The following PEX19 variants were observed in gnomAD, a reference collection of about 807,000 sequenced individuals.
The protein encoded by PEX19 is 33 kDa housekeeping protein.
A neutral mutation model predicts 36.3 loss-of-function variants in PEX19; 29 were observed. The observed-to-expected ratio is 0.80, with a 90% CI of 0.60 to 1.09. The LOEUF is 1.09. PEX19 is among the 50% of genes least tolerant of loss of function. The pLI, the probability that PEX19 is intolerant of heterozygous loss-of-function variation, is 0.00. For synonymous variants in PEX19, 141 were observed against 135.2 expected (o/e 1.04, Z -0.30); for missense variants, 396 against 368.1 (o/e 1.08, Z -0.62).
At position 160,283,875 on chromosome 1, in the gene PEX19, G is replaced by A. The variant is rs184921456; in HGVS notation, c.71-236C>T. ...AGAAATCCCTTAAGGTGGAACAAAT[G>A]TCCATCTCAGAGCTGGGAGGAGAGG... On this transcript the variant is annotated intron_variant, in intron 1 of 7. Transcript: ENST00000368072. 1.7e-4 allele frequency among the ~76,000 whole-genome samples: 26 copies of A among 152,280 alleles called. No homozygotes were observed. In the East Asian group the frequency reaches 4.8e-3, roughly 28 times the overall value.
In PEX19 at chr1:160,282,837, C is replaced by G; in HGVS notation, c.346+107G>C. The G allele has an allele frequency of 2.5e-6, 3 of 1,213,980 alleles. No homozygotes were observed. The Admixed American group carries it at 5.3e-5, about 21-fold the overall frequency. The allele number at this position is 1,213,980 out of a possible 1,614,324, so 75.2% of individuals were successfully genotyped here. On this transcript the variant is annotated intron_variant, in intron 3 of 7. Coordinates refer to ENST00000368072, the MANE Select transcript of PEX19 (RefSeq NM_002857.4). ...CTCATTGCCTTTACCCGTTCCTTGG[C>G]TGTGACATCATGATTGCTATCAACT...
rs1657628829 is a variant in PEX19, at chr1:160,278,473, A to T, written c.*1078T>A. The stretch of plus-strand genomic sequence containing the variant: ...GGAAGCTGAGGAAGATCAGAAAAAG[A>T]CCACACTCCTCACTCAGAATATTTA... On this transcript the variant is annotated 3_prime_UTR_variant, in exon 8 of 8. Coordinates refer to ENST00000368072, the MANE Select transcript of PEX19 (RefSeq NM_002857.4). 1 of 538,684 alleles carries T rather than the reference A, an allele frequency of 1.9e-6. No homozygotes were observed. Among genetic ancestry groups the T allele is most frequent in the Non-Finnish European group, 3.5e-6 (1 of 283,564 alleles). The allele number at this position is 538,684 out of a possible 1,614,324, so 33.4% of individuals were successfully genotyped here. A position where few individuals can be genotyped will look rare whatever the true frequency, so the allele number is the denominator to read the frequency against.
In PEX19 at chr1:160,277,320, G is replaced by C. The variant is rs1178461528; in HGVS notation, c.*2231C>G. 6.6e-6 allele frequency: 3 copies of C among 455,870 alleles called. No homozygotes were observed. Among genetic ancestry groups the C allele is most frequent in the African/African-American group, 2.0e-5 (1 of 50,034 alleles). 28.2% of individuals were successfully genotyped at this position (455,870 alleles called of 1,614,324 possible). A position where few individuals can be genotyped will look rare whatever the true frequency, so the allele number is the denominator to read the frequency against. ...ACATGATCAATGGACTTAACCTACAGAACAGTCTGGCCAGTTTGGGTGCTG... is the reference window on the plus strand; with the variant it reads ...ACATGATCAATGGACTTAACCTACACAACAGTCTGGCCAGTTTGGGTGCTG... On this transcript the variant is annotated 3_prime_UTR_variant, in exon 8 of 8. Transcript: ENST00000368072.
In PEX19 at chr1:160,279,343, G is replaced by A; in HGVS notation, c.*208C>T. ...AGTGGCAGAAACCACAATGGAGTAGGGTTCACAGAAATGGCCTGTGAAACA... is the reference window on the plus strand; with the variant it reads ...AGTGGCAGAAACCACAATGGAGTAGAGTTCACAGAAATGGCCTGTGAAACA... On this transcript the variant is annotated 3_prime_UTR_variant, in exon 8 of 8. Coordinates refer to ENST00000368072, the MANE Select transcript of PEX19 (RefSeq NM_002857.4). The A allele has an allele frequency of 1.4e-6, 1 of 691,180 alleles. No homozygotes were observed. Among genetic ancestry groups the A allele is most frequent in the Non-Finnish European group, 2.6e-6 (1 of 379,212 alleles). The allele number at this position is 691,180 out of a possible 1,614,324, so 42.8% of individuals were successfully genotyped here.
Position 160,280,219 on chromosome 1 carries a change from C to T in PEX19, c.622G>A (p.Glu208Lys), listed in dbSNP as rs1476023244. 1.2e-6 allele frequency: 2 copies of T among 1,613,888 alleles called. No individual in the cohort carries two copies. Among genetic ancestry groups the T allele is most frequent in the African/African-American group, 2.7e-5 (2 of 74,866 alleles). Reference protein sequence around the residue: ...KYPEWLQSHRESLPPEQFEKY... With the variant: ...KYPEWLQSHRKSLPPEQFEKY... ...TCAAACTGCTCTGGAGGTAGAGATTCCCGATGACTCTGCAACCATTCTGGA... is the reference window on the plus strand; with the variant it reads ...TCAAACTGCTCTGGAGGTAGAGATTTCCGATGACTCTGCAACCATTCTGGA... The change falls in exon 6 of 8, where the codon GAA becomes AAA. Residue 208 changes from glutamate to lysine, a missense_variant. Physicochemically the swap from Glu to Lys is moderately conservative, Grantham distance 56 (BLOSUM62 1). Transcript: ENST00000368072.
rs1417188930 is a variant in PEX19 at position 160,277,003 on chromosome 1, C to T, written c.*2548G>A. 1 of 454,008 alleles carries T rather than the reference C, an allele frequency of 2.2e-6. No homozygotes were observed. The highest frequency in any genetic ancestry group is 1.6e-5 in the South Asian group (1 of 64,480). The allele number at this position is 454,008 out of a possible 1,614,324, so 28.1% of individuals were successfully genotyped here. ...ATTTTTGAGCAGCAGAAAAGGAAGG[C>T]TAGAGAAATGCTAGAGATGTCCTTA... On this transcript the variant is annotated 3_prime_UTR_variant, in exon 8 of 8. Coordinates refer to ENST00000368072, the MANE Select transcript of PEX19 (RefSeq NM_002857.4).
At chr1:160,279,690 A>G in intron 7 of PEX19, 56 bp from the exon 8 acceptor site, 1 of 1,549,290 alleles carries the variant, frequency 6.5e-7, no homozygotes, top group African/African-American at 1.4e-5. Context: ...ACAGACGTGA[A>G]GATCCATCCC....
intron 1 of PEX19, 28 bp from the exon 2 acceptor site, chr1:160,283,667 T>G: frequency 5.9e-6 from 9 of 1,538,372 alleles, no homozygotes; most frequent in Non-Finnish European, 8.1e-6. Context: ...ATGGTGTGTG[T>G]GTTGGCGACA....
chr1:160,282,779 C>A, intron 3 of PEX19, 165 bp downstream of exon 3: 1 of 775,572 alleles, frequency 1.3e-6, no homozygotes, highest in Non-Finnish European at 2.2e-6. Flanking sequence ...CCTATCTCAC[C>A]CCTTTTCATT....
intron 5 of PEX19, among the ~76,000 whole-genome samples, chr1:160,280,768 C>T (rs1181318678): frequency 1.3e-5 from 2 of 152,094 alleles, no homozygotes; most frequent in East Asian, 1.9e-4. Context: ...ATCTGTCCAC[C>T]GTGGCCTCCC....
chr1:160,282,864 CA>C (rs1657834122), intron 3 of PEX19, 79 bp downstream of exon 3: 1 of 1,457,986 alleles, frequency 6.9e-7, no homozygotes. Flanking sequence ...CTATCAACTT[CA>C]CTAAGAATTC....
rs369984634 is a variant in PEX19 at position 160,285,102 on chromosome 1, C to T, written c.23G>A (p.Cys8Tyr). The T allele has an allele frequency of 2.6e-5, 42 of 1,613,862 alleles. No individual in the cohort carries two copies. In the African/African-American group the frequency reaches 5.2e-4, roughly 20 times the overall value. Reference protein sequence around the residue: MAAAEEGCSVGAEADREL... With the variant: MAAAEEGYSVGAEADREL... ...CCTGTCCGCTTCGGCCCCGACACTA[C>T]AGCCTTCCTCAGCGGCGGCCATCTT... The change falls in exon 1 of 8, where the codon TGT (cysteine) becomes TAT (tyrosine). Residue 8 changes from cysteine (C) to tyrosine (Y), a missense_variant. Cys to Tyr is a radical substitution (Grantham distance 194, BLOSUM62 -2). Transcript: ENST00000368072.
At chr1:160,284,932 T>C in intron 1 of PEX19, 123 bp downstream of exon 1, 2 of 821,758 alleles carry the variant, frequency 2.4e-6, no homozygotes, top group Admixed American at 1.9e-5. Flanking sequence ...GGTCAGACTC[T>C]CCGCCCCCAT....
In PEX19 at chr1:160,279,065, C is replaced by A. The variant is rs1413950266; in HGVS notation, c.*486G>T. 4.4e-6 allele frequency: 2 copies of A among 454,478 alleles called. No individual in the cohort carries two copies. Among genetic ancestry groups the A allele is most frequent in the Non-Finnish European group, 8.8e-6 (2 of 227,020 alleles). 28.2% of individuals were successfully genotyped at this position (454,478 alleles called of 1,614,324 possible). A position where few individuals can be genotyped will look rare whatever the true frequency, so the allele number is the denominator to read the frequency against. ...GAAGGCAAGAGAGCATAGTGACAGA[C>A]CTGTAGCCCCAGCCCAGGCTGTTTC... On this transcript the variant is annotated 3_prime_UTR_variant, in exon 8 of 8. Coordinates refer to ENST00000368072, the MANE Select transcript of PEX19 (RefSeq NM_002857.4).
At chr1:160,282,555 G>C in intron 3 of PEX19, 53 bp from the exon 4 acceptor site, 1 of 1,351,284 alleles carries the variant, frequency 7.4e-7, no homozygotes, top group East Asian at 2.3e-5. Flanking sequence ...TCCTTGCCTA[G>C]ACTGAACTGG....
intron 5 of PEX19, 135 bp from the exon 6 acceptor site, chr1:160,280,381 G>A: frequency 2.4e-6 from 2 of 824,064 alleles, no homozygotes; most frequent in Non-Finnish European, 2.0e-6. Flanking sequence ...AGTTCATCAT[G>A]AAAAGCGGCA....
rs564013133 is a variant in PEX19 at position 160,280,115 on chromosome 1, G to A, written c.726C>T (p.Thr242=). 80 of 1,613,824 alleles carry A rather than the reference G, an allele frequency of 5.0e-5. 1 individual carries two copies. The South Asian group carries it at 8.6e-4, about 17-fold the overall frequency. Residue 242 remains threonine, a synonymous_variant, in exon 6 of 8, where the codon ACC becomes ACT. Transcript: ENST00000368072. ...CCATCTCAAAACGAGCCTTTTGAGTGGTTTCACTGTCTGTGGGGGTCTCTG... is the reference window on the plus strand; with the variant it reads ...CCATCTCAAAACGAGCCTTTTGAGTAGTTTCACTGTCTGTGGGGGTCTCTG... ...FEAETPTDSE[T]TQKARFEMVL... is the part of the protein sequence containing the mutation.
intron 1 of PEX19, chr1:160,284,239 C>T: frequency 2.2e-6 from 1 of 464,848 alleles, no homozygotes; most frequent in Non-Finnish European, 4.5e-6. Flanking sequence ...TAACCGTACA[C>T]TAATTTACAC....
In PEX19 at chr1:160,282,029, G is replaced by A; in HGVS notation, c.594+10C>T. The A allele has an allele frequency of 6.2e-7, 1 of 1,612,714 alleles. No homozygotes were observed. Among genetic ancestry groups the A allele is most frequent in the Non-Finnish European group, 8.5e-7 (1 of 1,178,716 alleles). ...ATGAAGAGAAAAAGCAGAAATGGAA[G>A]TTCACAAACCTTTTCTGTGATCTCC... On this transcript the variant is annotated intron_variant, in intron 5 of 7. Coordinates refer to ENST00000368072, the MANE Select transcript of PEX19 (RefSeq NM_002857.4).
Sources: allele counts gnomAD v4.1 joint callset (sites outside exome capture counted in the v4.1 genomes callset), GRCh38; gene constraint gnomAD v4.1.1; transcripts MANE v1.5; gene names NCBI Gene and HGNC (gene_info 2026-07-23, HGNC 2026-07-21).